The following COQ5 variants were observed in gnomAD, a reference collection of about 807,000 sequenced individuals.
COQ5 encodes the protein coenzyme Q5, methyltransferase, also known as 2-methoxy-6-polyprenyl-1,4-benzoquinol methylase, mitochondrial.
A neutral mutation model predicts 40.5 loss-of-function variants in COQ5; 27 were observed. That is an observed-to-expected ratio of 0.67 (90% CI 0.49 to 0.92). The LOEUF (loss-of-function observed/expected upper bound fraction) is 0.92, where lower values mean the gene tolerates loss of function less well. Among genes scored for constraint, COQ5 ranks in the 40% least tolerant of loss-of-function variants. The pLI is 0.00. For synonymous variants in COQ5, 141 were observed against 150.0 expected, an observed-to-expected ratio of 0.94 and a Z score of 0.44; for missense variants, 409 against 406.4, an observed-to-expected ratio of 1.01 and a Z score of -0.06.
chr12:120,523,386 C>T (rs1456993483), intron 1 of COQ5: 2 of 375,488 alleles, frequency 5.3e-6, no homozygotes, highest in Non-Finnish European at 1.0e-5. Context: ...TTTCTTGATA[C>T]CATTTCTGTG....
At position 120,529,056 on chromosome 12, in the gene COQ5, A is replaced by G. The variant is rs776156410; in HGVS notation, c.86T>C (p.Leu29Pro). 3.7e-6 allele frequency: 6 copies of G among 1,614,034 alleles called. No individual in the cohort carries two copies. In the East Asian group the frequency reaches 1.3e-4, roughly 36 times the overall value. The change falls in exon 1 of 7, where the codon CTT (leucine) becomes CCT (proline). Residue 29 changes from leucine to proline, a missense_variant. Leu to Pro is a moderately conservative substitution (Grantham distance 98, BLOSUM62 -3). Transcript: ENST00000288532. ...RAMRGCQLLG[L>P]RSSWPGDLLS... ...TAGGTCCCCGGGCCAAGAGCTACGAAGCCCGAGGAGCTGGCAGCCCCGCAT... is the reference window on the plus strand; with the variant it reads ...TAGGTCCCCGGGCCAAGAGCTACGAGGCCCGAGGAGCTGGCAGCCCCGCAT...
intron 1 of COQ5, chr12:120,527,017 C>T (rs1447901839): frequency 6.6e-6 from 1 of 151,522 alleles, no homozygotes; most frequent in Non-Finnish European, 1.5e-5. Flanking sequence ...GCCCAGCCTA[C>T]TCTTGGCAAT....
At chr12:120,525,104 G>A (rs945280873) in intron 1 of COQ5, among the ~76,000 whole-genome samples, 2 of 149,420 alleles carry the variant, frequency 1.3e-5, no homozygotes, top group South Asian at 2.1e-4. Context: ...CACCGTGCCC[G>A]GACTTTTGTT....
chr12:120,511,150 G>C (rs531627846), intron 3 of COQ5, among the ~76,000 whole-genome samples: 2 of 151,498 alleles, frequency 1.3e-5, no homozygotes, highest in Non-Finnish European at 2.9e-5. Flanking sequence ...CCAGCTACTG[G>C]GGAGGCTGAG....
chr12:120,527,363 G>C (rs1870000747), intron 1 of COQ5: 1 of 152,128 alleles, frequency 6.6e-6, no homozygotes, highest in Non-Finnish European at 1.5e-5. Context: ...TTACAGGTGT[G>C]AACCATCGCA....
At chr12:120,523,837 CTG>C (rs1869790978) in intron 1 of COQ5, 4 of 325,518 alleles carry the variant, frequency 1.2e-5, no homozygotes, top group South Asian at 9.0e-5. Flanking sequence ...TGGCAAAACC[CTG>C]TCTCTAGTAA....
intron 3 of COQ5, among the ~76,000 whole-genome samples, chr12:120,511,256 C>CAA (rs33968461): frequency 0.36 from 32,911 of 92,486 alleles, 4,934 homozygotes; most frequent in Middle Eastern, 0.49. Flanking sequence ...GACTCTGTCT[C>CAA]AAAAAAAAAA....
intron 1 of COQ5, among the ~76,000 whole-genome samples, chr12:120,523,184 A>G (rs1172543942): frequency 1.3e-5 from 2 of 152,060 alleles, no homozygotes; most frequent in African/African-American, 4.8e-5. Context: ...TAAAAATACA[A>G]AAAATTAGCC....
At chr12:120,510,165 GT>G (rs746988626) in intron 3 of COQ5, 42 bp from the exon 4 acceptor site, 4 of 1,458,682 alleles carry the variant, frequency 2.7e-6, no homozygotes, top group South Asian at 2.3e-5. Context: ...GTGGGTAGCT[GT>G]TTTTCCTGCC....
intron 1 of COQ5, 45 bp downstream of exon 1, chr12:120,528,895 C>T: frequency 2.6e-6 from 4 of 1,555,416 alleles, no homozygotes; most frequent in Middle Eastern, 1.7e-4. Context: ...GAAACCAGAC[C>T]ATGGACGGTC....
intron 5 of COQ5, chr12:120,504,626 T>A: frequency 2.3e-6 from 1 of 433,484 alleles, no homozygotes; most frequent in Admixed American, 3.5e-5. Flanking sequence ...TTGCCACTAA[T>A]AAGTTCTGAT....
intron 2 of COQ5, among the ~76,000 whole-genome samples, chr12:120,517,775 C>A (rs11065147): frequency 0.27 from 40,862 of 151,360 alleles, 6,601 homozygotes; most frequent in Admixed American, 0.39. Flanking sequence ...TATTTCCTTT[C>A]TTTTTTCCTC....
Position 120,503,280 on chromosome 12 carries a change from C to A in COQ5, c.*504G>T. 3.9e-6 allele frequency: 1 copy of A among 255,570 alleles called. No individual in the cohort carries two copies. Among genetic ancestry groups the A allele is most frequent in the South Asian group, 4.7e-5 (1 of 21,182 alleles). The allele number at this position is 255,570 out of a possible 1,614,324, so 15.8% of individuals were successfully genotyped here. A position where few individuals can be genotyped will look rare whatever the true frequency, so the allele number is the denominator to read the frequency against. On this transcript the variant is annotated 3_prime_UTR_variant, in exon 7 of 7. Transcript: ENST00000288532. ...TTCAAGAAAAAATGACAAGTACCAT[C>A]AAAAGGTAAACTCGTTTACTGGTTC...
intron 2 of COQ5, among the ~76,000 whole-genome samples, chr12:120,520,248 A>T (rs1030160121): frequency 6.6e-6 from 1 of 151,642 alleles, no homozygotes; most frequent in Non-Finnish European, 1.5e-5. Flanking sequence ...GGTTCCAGTG[A>T]TTCTCCTGCC....
intron 4 of COQ5, among the ~76,000 whole-genome samples, chr12:120,505,366 C>T (rs1593012856): frequency 6.6e-6 from 1 of 151,852 alleles, no homozygotes; most frequent in Non-Finnish European, 1.5e-5. Context: ...GTGGGTTATT[C>T]ACTTTTTTTT....
At position 120,528,978 on chromosome 12, in the gene COQ5, C is replaced by G; in HGVS notation, c.164G>C (p.Gly55Ala). Reference sequence around the variant, plus strand: ...CTCCTCTTCCGACACAGTCTCAAACCCAAAGTGCGTTTCCGCTGCCCGCTT... The same window carrying G: ...CTCCTCTTCCGACACAGTCTCAAACGCAAAGTGCGTTTCCGCTGCCCGCTT... ...QEKRAAETHFGFETVSEEEKG... is the reference protein window; with the variant it reads ...QEKRAAETHFAFETVSEEEKG... Residue 55 changes from glycine (G) to alanine (A), a missense_variant, in exon 1 of 7, where the codon GGG becomes GCG. Coordinates refer to ENST00000288532, the MANE Select transcript of COQ5 (RefSeq NM_032314.4). 6.2e-7 allele frequency: 1 copy of G among 1,614,120 alleles called. No homozygotes were observed. Among genetic ancestry groups the G allele is most frequent in the Non-Finnish European group, 8.5e-7 (1 of 1,180,024 alleles).
Position 120,503,410 on chromosome 12 carries a change from C to T in COQ5, c.*374G>A, listed in dbSNP as rs1868721100. 1 of 375,544 alleles carries T rather than the reference C, an allele frequency of 2.7e-6. No individual in the cohort carries two copies. 23.3% of individuals were successfully genotyped at this position (375,544 alleles called of 1,614,324 possible). A position where few individuals can be genotyped will look rare whatever the true frequency, so the allele number is the denominator to read the frequency against. On this transcript the variant is annotated 3_prime_UTR_variant, in exon 7 of 7. Transcript: ENST00000288532. Reference sequence around the variant, plus strand: ...ATTAAATTTTCTGGTTAAAAATTGTCATTGGGTTCAAATGATCTATCATCC... The same window carrying T: ...ATTAAATTTTCTGGTTAAAAATTGTTATTGGGTTCAAATGATCTATCATCC...
At chr12:120,521,006 C>CATTTAGATGGTGAA in intron 2 of COQ5, among the ~76,000 whole-genome samples, 1 of 150,290 alleles carries the variant, frequency 6.7e-6, no homozygotes, top group Non-Finnish European at 1.5e-5. Flanking sequence ...ATAAAACAGT[C>CATTTAGATGGTGAA]ATTTAGATGG....
At chr12:120,522,728 T>G (rs902856502) in intron 1 of COQ5, 2 of 657,074 alleles carry the variant, frequency 3.0e-6, no homozygotes, top group Non-Finnish European at 5.4e-6. Context: ...AGCCTGGGCC[T>G]TGGTTTGATC....
Sources: gnomAD v4.1 joint callset for allele counts (sites outside exome capture counted in the v4.1 genomes callset) on GRCh38, gnomAD v4.1.1 for gene constraint, MANE v1.5 for transcripts, NCBI Gene and HGNC (gene_info 2026-07-23, HGNC 2026-07-21) for gene names.